ZNF721: variants seen among roughly 807,000 people sequenced by gnomAD.
ZNF721 encodes zinc finger protein 721.
ZNF721 carries 2 observed loss-of-function variants against 2.4 expected under a neutral mutation model. The observed-to-expected ratio is 0.82, with a 90% CI of 0.34 to 2.58. ZNF721 has a LOEUF of 2.58. Ranked by LOEUF, ZNF721 falls within the 30% of genes most tolerant of loss-of-function variation. The probability of loss-of-function intolerance (pLI) is 0.11; values close to 1 mark genes in which losing one functional copy is unlikely to be tolerated. For missense variants in ZNF721, 1,187 were observed against 1,085.5 expected (o/e 1.09, Z -1.31); for synonymous variants, 398 against 381.8 (o/e 1.04, Z -0.50).
At chr4:448,502 T>C (rs73219246) in intron 2 of ZNF721, among the ~76,000 whole-genome samples, 18,241 of 149,340 alleles carry the variant, frequency 0.12, 1,471 homozygotes, top group African/African-American at 0.24. Context: ...AAGATTGAAA[T>C]AATAAAGATA....
At chr4:450,954 AAAATATATATATATATATATATATAT>A (rs1287763653) in intron 2 of ZNF721, among the ~76,000 whole-genome samples, 4 of 38,668 alleles carry the variant, frequency 1.0e-4, no homozygotes, top group Non-Finnish European at 1.7e-4. Flanking sequence ...AAAAAAAAAA[AAAATATATATATATATATATATATAT>A]ATATATATAT....
chr4:484,574 C>T (rs781873373), intron 1 of ZNF721, among the ~76,000 whole-genome samples: 20 of 152,196 alleles, frequency 1.3e-4, no homozygotes, highest in Non-Finnish European at 2.6e-4. Flanking sequence ...TTATAAACAG[C>T]GCCCCCAGGC....
chr4:491,131 A>C (rs77538478), intron 1 of ZNF721, among the ~76,000 whole-genome samples: 2 of 152,180 alleles, frequency 1.3e-5, no homozygotes, highest in Non-Finnish European at 2.9e-5. Context: ...GGGGCTTTAC[A>C]AAAACTGATT....
chr4:465,790 AAAC>A (rs1157297144), intron 2 of ZNF721, among the ~76,000 whole-genome samples: 4 of 151,680 alleles, frequency 2.6e-5, no homozygotes, highest in Admixed American at 1.3e-4. Context: ...TACAAAAAAA[AAAC>A]AAAACAAAAC....
chr4:455,110 T>C (rs1172586268), intron 2 of ZNF721, among the ~76,000 whole-genome samples: 1 of 152,192 alleles, frequency 6.6e-6, no homozygotes. Context: ...AATATATGTA[T>C]CTCTTTTCCC....
chr4:457,983 G>C (rs534439405), intron 2 of ZNF721, among the ~76,000 whole-genome samples: 13 of 152,324 alleles, frequency 8.5e-5, no homozygotes, highest in Non-Finnish European at 1.8e-4. Context: ...TTTGGTCTCA[G>C]CTGTGTATCC....
intron 1 of ZNF721, among the ~76,000 whole-genome samples, chr4:475,710 G>T (rs528281433): frequency 1.3e-5 from 2 of 151,542 alleles, no homozygotes; most frequent in African/African-American, 4.8e-5. Context: ...TGTCCTACTT[G>T]GTCATAGTAC....
chr4:450,994 T>G (rs1714643894), intron 2 of ZNF721, among the ~76,000 whole-genome samples: 2 of 88,820 alleles, frequency 2.3e-5, no homozygotes, highest in Admixed American at 1.3e-4. Context: ...TATATATATA[T>G]ATCCCAAAAA....
At chr4:492,955 G>A (rs1228329219) in intron 1 of ZNF721, among the ~76,000 whole-genome samples, 5 of 150,960 alleles carry the variant, frequency 3.3e-5, no homozygotes, top group Admixed American at 1.3e-4. Context: ...TTTGGGAAAG[G>A]TTTTCCTCCA....
intron 1 of ZNF721, among the ~76,000 whole-genome samples, chr4:496,288 C>A (rs1553872185): frequency 5.9e-5 from 9 of 152,142 alleles, no homozygotes. Context: ...CTTTTCAGGG[C>A]TGTTACCCCC....
At chr4:476,904 A>G (rs1576968936) in intron 1 of ZNF721, among the ~76,000 whole-genome samples, 1 of 152,266 alleles carries the variant, frequency 6.6e-6, no homozygotes, top group East Asian at 1.9e-4. Flanking sequence ...TAAGTTAGAG[A>G]TCTTATAAAC....
intron 1 of ZNF721, chr4:473,873 G>A (rs1715543348): frequency 3.7e-6 from 5 of 1,363,546 alleles, no homozygotes; most frequent in South Asian, 1.1e-5. Context: ...CGAGGGCTAA[G>A]CGGCGGCAGC....
chr4:465,325 C>T (rs1394513512), intron 2 of ZNF721, among the ~76,000 whole-genome samples: 3 of 151,900 alleles, frequency 2.0e-5, no homozygotes, highest in African/African-American at 7.3e-5. Flanking sequence ...GAGTTGAGGC[C>T]GAACTGAGCT....
chr4:496,153 T>TG (rs151317263), intron 1 of ZNF721, among the ~76,000 whole-genome samples: 27,253 of 144,948 alleles, frequency 0.19, 3,875 homozygotes, highest in African/African-American at 0.4. Context: ...TTTTTGTGTG[T>TG]GGGGGGTAGA....
At chr4:474,722 A>G (rs1715579984) in intron 1 of ZNF721, among the ~76,000 whole-genome samples, 1 of 151,854 alleles carries the variant, frequency 6.6e-6, no homozygotes, top group African/African-American at 2.4e-5. Context: ...TAAAAAATAT[A>G]AAAATTAGCC....
intron 2 of ZNF721, among the ~76,000 whole-genome samples, chr4:463,226 G>A (rs1317893234): frequency 6.6e-6 from 1 of 151,772 alleles, no homozygotes; most frequent in Non-Finnish European, 1.5e-5. Flanking sequence ...ATGCCAGTTA[G>A]AATGGCAATC....
chr4:462,429 TA>T (rs756057956), intron 2 of ZNF721, among the ~76,000 whole-genome samples: 1 of 152,048 alleles, frequency 6.6e-6, no homozygotes. Context: ...GAACCAAAAA[TA>T]GCCCATATAG....
At chr4:449,545 CA>C (rs1714581606) in intron 2 of ZNF721, among the ~76,000 whole-genome samples, 1 of 152,002 alleles carries the variant, frequency 6.6e-6, no homozygotes, top group African/African-American at 2.4e-5. Flanking sequence ...CTTAAGACCT[CA>C]AAAGCACAGG....
chr4:453,732 G>T (rs1373719752), intron 2 of ZNF721: 1 of 152,188 alleles, frequency 6.6e-6, no homozygotes, highest in African/African-American at 2.4e-5. Context: ...TTGAAGAATC[G>T]TCCGTGACAA....
Sources: gnomAD v4.1 joint callset for allele counts (sites outside exome capture counted in the v4.1 genomes callset) on GRCh38, gnomAD v4.1.1 for gene constraint, MANE v1.5 for transcripts, NCBI Gene and HGNC (gene_info 2026-07-23, HGNC 2026-07-21) for gene names.